Variants in BMP7 observed in about 807,000 individuals in gnomAD.
BMP7 encodes osteogenic protein 1.
In BMP7, 12 loss-of-function variants were observed where a neutral mutation model predicts 41.2. The ratio of observed to expected loss-of-function variants is 0.29; its 90% CI spans 0.19 to 0.47. The LOEUF (loss-of-function observed/expected upper bound fraction) is 0.47. Among genes scored for constraint, BMP7 ranks in the 20% least tolerant of loss-of-function variants. BMP7 has a pLI of 0.99. For synonymous variants in BMP7, 248 were observed against 250.0 expected (o/e 0.99, Z 0.07); for missense variants, 467 against 606.0 (o/e 0.77, Z 2.41).
intron 4 of BMP7, among the ~76,000 whole-genome samples, 156 bp downstream of exon 4, chr20:57,183,566 T>G (rs906358742): frequency 3.3e-5 from 5 of 152,224 alleles, no homozygotes; most frequent in African/African-American, 1.2e-4. Flanking sequence ...AGATGTCCTG[T>G]GTAGGGGTGG....
intron 2 of BMP7, among the ~76,000 whole-genome samples, chr20:57,219,039 C>T (rs1288344830): frequency 2.4e-5 from 3 of 123,686 alleles, no homozygotes; most frequent in Non-Finnish European, 3.4e-5. Flanking sequence ...TGGTAGCTGG[C>T]GTTCGGTGGT....
intron 2 of BMP7, among the ~76,000 whole-genome samples, chr20:57,206,278 A>G (rs561814257): frequency 2.0e-5 from 3 of 152,078 alleles, no homozygotes; most frequent in South Asian, 2.1e-4. Flanking sequence ...CACCTTCGCC[A>G]CTGCTGAGAA....
intron 1 of BMP7, among the ~76,000 whole-genome samples, chr20:57,251,843 A>G (rs2066115155): frequency 6.6e-6 from 1 of 152,236 alleles, no homozygotes; most frequent in Non-Finnish European, 1.5e-5. Context: ...CTGAGGCAGG[A>G]GAATTGCTTG....
chr20:57,205,132 G>T (rs1984701806), intron 2 of BMP7, among the ~76,000 whole-genome samples: 1 of 123,272 alleles, frequency 8.1e-6, no homozygotes, highest in South Asian at 2.7e-4. Flanking sequence ...AAGGAATGAG[G>T]TATTTGTTTT....
chr20:57,253,817 A>G (rs771239811), intron 1 of BMP7, among the ~76,000 whole-genome samples: 1 of 152,132 alleles, frequency 6.6e-6, no homozygotes, highest in Non-Finnish European at 1.5e-5. Flanking sequence ...ATACTTGAGT[A>G]CCCTTCACCC....
Position 57,266,316 on chromosome 20 carries a change from C to A in BMP7, c.-194G>T. 5 of 368,436 alleles carry A rather than the reference C, an allele frequency of 1.4e-5. No individual in the cohort carries two copies. Among genetic ancestry groups the A allele is most frequent in the Non-Finnish European group, 2.2e-5 (5 of 224,066 alleles). 22.8% of individuals were successfully genotyped at this position (368,436 alleles called of 1,614,324 possible). On this transcript the variant is annotated 5_prime_UTR_variant, in exon 1 of 7. Coordinates refer to ENST00000395863, the MANE Select transcript of BMP7 (RefSeq NM_001719.3). ...CCCCGCCCCCTGCTCGGTGCTGGCCCCGGGCCCCTCGCCCCGCACTCGCCC... is the reference window on the plus strand; with the variant it reads ...CCCCGCCCCCTGCTCGGTGCTGGCCACGGGCCCCTCGCCCCGCACTCGCCC...
intron 1 of BMP7, among the ~76,000 whole-genome samples, chr20:57,236,150 A>G (rs188702363): frequency 1.3e-5 from 2 of 152,234 alleles, no homozygotes; most frequent in East Asian, 3.9e-4. Context: ...AGCATTTTCC[A>G]TCTCTTGTCA....
chr20:57,234,685 C>A (rs1473447853), intron 1 of BMP7, among the ~76,000 whole-genome samples: 1 of 152,174 alleles, frequency 6.6e-6, no homozygotes, highest in Non-Finnish European at 1.5e-5. Flanking sequence ...TGACCATTCA[C>A]CATGAAAACC....
intron 4 of BMP7, among the ~76,000 whole-genome samples, chr20:57,183,127 C>T (rs1283385140): frequency 1.3e-5 from 2 of 151,902 alleles, no homozygotes; most frequent in Admixed American, 6.6e-5. Flanking sequence ...CCCAGCTACT[C>T]GGGAGGCTGA....
At chr20:57,263,410 G>T (rs1017432877) in intron 1 of BMP7, among the ~76,000 whole-genome samples, 2 of 152,184 alleles carry the variant, frequency 1.3e-5, no homozygotes, top group African/African-American at 2.4e-5. Flanking sequence ...GCCATGGGGG[G>T]AGCAAATAGC....
chr20:57,218,165 A>C (rs1194223441), intron 2 of BMP7, among the ~76,000 whole-genome samples: 1 of 152,192 alleles, frequency 6.6e-6, no homozygotes, highest in East Asian at 1.9e-4. Flanking sequence ...GAAATCCTTT[A>C]TACATTTTTG....
intron 3 of BMP7, among the ~76,000 whole-genome samples, chr20:57,187,320 C>T (rs1033834755): frequency 3.3e-5 from 5 of 152,218 alleles, no homozygotes; most frequent in Non-Finnish European, 2.9e-5. Flanking sequence ...TCATCTGTCC[C>T]CCCTTTCCGT....
chr20:57,199,274 G>A (rs1453472785), intron 3 of BMP7, among the ~76,000 whole-genome samples: 1 of 152,176 alleles, frequency 6.6e-6, no homozygotes, highest in East Asian at 1.9e-4. Context: ...GTACCTGTCA[G>A]CCCAGGCACC....
chr20:57,220,837 G>A (rs1229543645), intron 2 of BMP7, among the ~76,000 whole-genome samples: 2 of 152,224 alleles, frequency 1.3e-5, no homozygotes, highest in Admixed American at 1.3e-4. Flanking sequence ...GCATTCTCGA[G>A]TTTCAATTCT....
chr20:57,241,181 C>G (rs2066067777), intron 1 of BMP7, among the ~76,000 whole-genome samples: 2 of 152,216 alleles, frequency 1.3e-5, no homozygotes, highest in African/African-American at 4.8e-5. Context: ...TACCAACTCT[C>G]TTCCTCACAT....
intron 1 of BMP7, among the ~76,000 whole-genome samples, chr20:57,229,557 T>C (rs1268276099): frequency 2.0e-5 from 3 of 152,046 alleles, no homozygotes. Flanking sequence ...GGAATGACAA[T>C]GGGAGCCACA....
chr20:57,265,414 G>C (rs1221439979), intron 1 of BMP7, among the ~76,000 whole-genome samples: 2 of 152,262 alleles, frequency 1.3e-5, no homozygotes, highest in African/African-American at 4.8e-5. Flanking sequence ...CGCTTTGAAC[G>C]GCCCTTGCCT....
intron 1 of BMP7, among the ~76,000 whole-genome samples, chr20:57,245,337 G>T (rs1286725247): frequency 1.4e-5 from 2 of 143,214 alleles, no homozygotes; most frequent in Non-Finnish European, 3.2e-5. Flanking sequence ...AAAAAGTGGT[G>T]TTTTTTTTTA....
chr20:57,204,513 A>G (rs971328338), intron 2 of BMP7, among the ~76,000 whole-genome samples: 1 of 152,282 alleles, frequency 6.6e-6, no homozygotes, highest in African/African-American at 2.4e-5. Context: ...AAGAAGAACC[A>G]GGGTCAGAAA....
Sources: allele counts gnomAD v4.1 joint callset (sites outside exome capture counted in the v4.1 genomes callset), GRCh38; gene constraint gnomAD v4.1.1; transcripts MANE v1.5; gene names NCBI Gene and HGNC (gene_info 2026-07-23, HGNC 2026-07-21).